Variants in NRG1 observed in about 807,000 individuals in gnomAD.
NRG1 encodes neuregulin 1.
In NRG1, 18 loss-of-function variants were observed where a neutral mutation model predicts 63.8. The observed-to-expected ratio is 0.28, with a 90% CI of 0.19 to 0.42. The LOEUF is 0.42. NRG1 is among the 10% of genes least tolerant of loss of function. The pLI, the probability that NRG1 is intolerant of heterozygous loss-of-function variation, is 1.00. For missense variants in NRG1, 762 were observed against 814.7 expected (o/e 0.94, Z 0.79); for synonymous variants, 302 against 301.3 (o/e 1.00, Z -0.02).
intron 1 of NRG1, among the ~76,000 whole-genome samples, chr8:31,760,932 C>T (rs1817482699): frequency 6.6e-6 from 1 of 152,218 alleles, no homozygotes; most frequent in Non-Finnish European, 1.5e-5. Context: ...TACCATTTGA[C>T]CCAGCCATCC....
intron 1 of NRG1, among the ~76,000 whole-genome samples, chr8:31,692,280 A>T (rs1412426898): frequency 6.6e-6 from 1 of 152,236 alleles, no homozygotes; most frequent in Non-Finnish European, 1.5e-5. Flanking sequence ...GATGATTTTC[A>T]TTGAAAAAGC....
chr8:32,571,255 G>T (rs1156420802), intron 1 of NRG1, among the ~76,000 whole-genome samples: 1 of 152,192 alleles, frequency 6.6e-6, no homozygotes, highest in Non-Finnish European at 1.5e-5. Context: ...TTTCTGCTTA[G>T]CATTCCTTAC....
chr8:32,115,298 G>T (rs967839362), intron 1 of NRG1, among the ~76,000 whole-genome samples: 4 of 151,966 alleles, frequency 2.6e-5, no homozygotes, highest in African/African-American at 7.2e-5. Flanking sequence ...CCCCAGCTGT[G>T]TAGATAACTT....
intron 2 of NRG1, among the ~76,000 whole-genome samples, chr8:32,596,778 A>G (rs899929070): frequency 6.6e-6 from 1 of 152,176 alleles, no homozygotes; most frequent in African/African-American, 2.4e-5. Context: ...CAAGGGGTTA[A>G]TGATATAATT....
At chr8:32,060,639 G>A (rs925278998) in intron 1 of NRG1, among the ~76,000 whole-genome samples, 3 of 151,798 alleles carry the variant, frequency 2.0e-5, no homozygotes, top group Non-Finnish European at 4.4e-5. Flanking sequence ...TATCTCAAAC[G>A]GAGATATTTG....
chr8:32,354,987 T>C (rs115883837), intron 1 of NRG1, among the ~76,000 whole-genome samples: 2,295 of 151,756 alleles, frequency 0.015, 57 homozygotes, highest in African/African-American at 0.053. Flanking sequence ...CTAATCTAAA[T>C]TAACAATTTA....
intron 1 of NRG1, among the ~76,000 whole-genome samples, chr8:32,089,166 C>T (rs1032101849): frequency 3.9e-5 from 6 of 152,142 alleles, no homozygotes; most frequent in African/African-American, 4.8e-5. Flanking sequence ...TGTCATTGCA[C>T]GCAGCGCACT....
intron 1 of NRG1, among the ~76,000 whole-genome samples, chr8:32,540,355 G>T (rs1398637896): frequency 6.6e-6 from 1 of 152,140 alleles, no homozygotes; most frequent in African/African-American, 2.4e-5. Flanking sequence ...ATCCTAGTAT[G>T]TTGCTGACTC....
intron 1 of NRG1, among the ~76,000 whole-genome samples, chr8:32,134,290 G>C (rs919000113): frequency 1.8e-4 from 27 of 152,046 alleles, no homozygotes; most frequent in Admixed American, 1.6e-3. Context: ...TTATTAAGTA[G>C]ATAGGATGCT....
chr8:32,155,251 C>A (rs559049399), intron 1 of NRG1, among the ~76,000 whole-genome samples: 1 of 152,264 alleles, frequency 6.6e-6, no homozygotes. Context: ...CAACTCATAG[C>A]AAAAATTTTT....
chr8:31,889,369 C>A (rs1004606089), intron 1 of NRG1, among the ~76,000 whole-genome samples: 6 of 152,162 alleles, frequency 3.9e-5, no homozygotes, highest in African/African-American at 1.4e-4. Flanking sequence ...GAGGAGACTT[C>A]AAGTTTGTGG....
At chr8:32,615,964 G>A (rs920618281) in intron 4 of NRG1, among the ~76,000 whole-genome samples, 1 of 152,044 alleles carries the variant, frequency 6.6e-6, no homozygotes, top group Non-Finnish European at 1.5e-5. Context: ...TCTGACTCCA[G>A]TAAATGCCAT....
At position 31,935,840 on chromosome 8, in the gene NRG1, C is replaced by A. The variant is rs144293293; in HGVS notation, c.37+296409C>A. ...GTTTTTCTCCTATGTTGATCTACCC[C>A]GTAAGGCTCCATGAGAGGCTTGGAC... is the stretch of plus-strand genomic sequence containing the variant. On this transcript the variant is annotated intron_variant, in intron 1 of 10. Coordinates refer to the NRG1 transcript ENST00000519301. 3.6e-3 allele frequency among the ~76,000 whole-genome samples: 551 copies of A among 152,242 alleles called. 1 individual carries two copies. The highest frequency in any genetic ancestry group is 0.014 in the Middle Eastern group (4 of 294).
chr8:31,714,686 C>T (rs1221363952), intron 1 of NRG1, among the ~76,000 whole-genome samples: 1 of 152,124 alleles, frequency 6.6e-6, no homozygotes, highest in Non-Finnish European at 1.5e-5. Context: ...ATCCATGTAT[C>T]TATCAATTCA....
At chr8:31,915,629 T>C (rs891904785) in intron 1 of NRG1, among the ~76,000 whole-genome samples, 1 of 152,124 alleles carries the variant, frequency 6.6e-6, no homozygotes, top group African/African-American at 2.4e-5. Context: ...AAGGTAGTTA[T>C]AAAAAGTACA....
intron 1 of NRG1, among the ~76,000 whole-genome samples, chr8:32,010,411 T>C (rs1323679622): frequency 6.6e-6 from 1 of 152,080 alleles, no homozygotes; most frequent in Non-Finnish European, 1.5e-5. Flanking sequence ...CCTCTATCCA[T>C]TAATTTTTCT....
intron 1 of NRG1, among the ~76,000 whole-genome samples, chr8:31,726,472 C>A (rs1813454328): frequency 6.6e-6 from 1 of 152,006 alleles, no homozygotes; most frequent in Admixed American, 6.6e-5. Flanking sequence ...TAAAAAGTTT[C>A]TCATGCTTTA....
At chr8:32,467,964 C>G (rs1439673993) in intron 1 of NRG1, among the ~76,000 whole-genome samples, 1 of 152,200 alleles carries the variant, frequency 6.6e-6, no homozygotes, top group African/African-American at 2.4e-5. Context: ...CGATAAACAT[C>G]TGGACCCAAC....
chr8:32,017,378 A>T (rs1815712101), intron 1 of NRG1, among the ~76,000 whole-genome samples: 1 of 152,158 alleles, frequency 6.6e-6, no homozygotes, highest in Non-Finnish European at 1.5e-5. Context: ...TCTGTGACCA[A>T]ATGTGTAGCA....
Sources: gnomAD v4.1 joint callset for allele counts (sites outside exome capture counted in the v4.1 genomes callset) on GRCh38, gnomAD v4.1.1 for gene constraint, MANE v1.5 for transcripts, NCBI Gene and HGNC (gene_info 2026-07-23, HGNC 2026-07-21) for gene names.